DOCK3: variants seen among roughly 807,000 people sequenced by gnomAD.
DOCK3 encodes dedicator of cytokinesis protein 3.
DOCK3 carries 60 observed loss-of-function variants against 265.6 expected under a neutral mutation model. That is an observed-to-expected ratio of 0.23 (90% CI 0.18 to 0.28). The LOEUF is 0.28. DOCK3 is among the 10% of genes least tolerant of loss of function. The pLI is 1.00. For synonymous variants in DOCK3, 881 were observed against 938.0 expected (o/e 0.94, Z 1.11); for missense variants, 1,981 against 2,594.3 (o/e 0.76, Z 5.14).
Position 51,330,195 on chromosome 3 carries a change from G to A in DOCK3, c.3460G>A (p.Glu1154Lys), listed in dbSNP as rs762516944. The change falls in exon 33 of 53, where the codon GAG becomes AAG. Residue 1154 changes from glutamate (E) to lysine (K), a missense_variant. By Grantham distance (56) the Glu-to-Lys change is moderately conservative. Transcript: ENST00000266037. ...CATGGTGTCAGAAGGGAAAGGTGAC[G>A]AGAGCTACAGGGAGCTCTTCAGCCT... is the stretch of plus-strand genomic sequence containing the variant. ...DSMVSEGKGD[E>K]SYRELFSLLT... 15 of 1,603,808 alleles carry A rather than the reference G, an allele frequency of 9.4e-6. No individual in the cohort carries two copies. The highest frequency in any genetic ancestry group is 1.7e-4 in the Middle Eastern group (1 of 6,052).
chr3:51,325,672 T>C (rs367920360), intron 32 of DOCK3, among the ~76,000 whole-genome samples: 1 of 152,090 alleles, frequency 6.6e-6, no homozygotes, highest in East Asian at 1.9e-4. Flanking sequence ...CAAATGCCCA[T>C]CAATGATAGG....
chr3:50,815,655 A>T (rs546227982), intron 2 of DOCK3, among the ~76,000 whole-genome samples: 1 of 152,144 alleles, frequency 6.6e-6, no homozygotes, highest in South Asian at 2.1e-4. Flanking sequence ...GCCTGAAAAG[A>T]TCTTTAGTTT....
chr3:51,059,476 C>G (rs2081330513), intron 5 of DOCK3, among the ~76,000 whole-genome samples: 1 of 151,608 alleles, frequency 6.6e-6, no homozygotes, highest in Non-Finnish European at 1.5e-5. Flanking sequence ...CACACACACA[C>G]ACACACACAC....
chr3:51,126,715 A>T (rs897006145), intron 9 of DOCK3, among the ~76,000 whole-genome samples: 1 of 152,168 alleles, frequency 6.6e-6, no homozygotes, highest in Admixed American at 6.6e-5. Flanking sequence ...AACTGTTTGT[A>T]GCTCACCACA....
chr3:51,272,523 A>G (rs1419111785), intron 24 of DOCK3, among the ~76,000 whole-genome samples: 6 of 148,366 alleles, frequency 4.0e-5, no homozygotes, highest in African/African-American at 1.2e-4. Flanking sequence ...TCCTGACCTC[A>G]TGATCCACCC....
At chr3:51,196,524 T>C (rs2088305609) in intron 12 of DOCK3, among the ~76,000 whole-genome samples, 1 of 152,198 alleles carries the variant, frequency 6.6e-6, no homozygotes, top group East Asian at 1.9e-4. Context: ...TTTGAACTTG[T>C]GGATATTGAT....
intron 4 of DOCK3, among the ~76,000 whole-genome samples, chr3:50,933,645 A>T (rs1366103914): frequency 2.6e-5 from 4 of 152,190 alleles, no homozygotes; most frequent in Non-Finnish European, 5.9e-5. Context: ...TAAATAATTT[A>T]AAAAAACTAA....
intron 22 of DOCK3, among the ~76,000 whole-genome samples, chr3:51,249,980 A>G (rs1446163048): frequency 6.6e-6 from 1 of 151,732 alleles, no homozygotes; most frequent in Non-Finnish European, 1.5e-5. Context: ...CTTACCCCCA[A>G]CCCTGTGCTC....
chr3:51,046,471 A>G (rs1376135061), intron 5 of DOCK3, among the ~76,000 whole-genome samples: 7 of 152,214 alleles, frequency 4.6e-5, no homozygotes, highest in Admixed American at 4.6e-4. Context: ...ATAGATATTA[A>G]GGCAAAAACT....
At chr3:50,980,633 ATTAC>A (rs1483709558) in intron 5 of DOCK3, among the ~76,000 whole-genome samples, 1 of 151,974 alleles carries the variant, frequency 6.6e-6, no homozygotes, top group East Asian at 1.9e-4. Context: ...ATTCAGTCTT[ATTAC>A]TTGTTACTGG....
At chr3:51,149,480 C>T (rs1452310402) in intron 10 of DOCK3, among the ~76,000 whole-genome samples, 1 of 152,132 alleles carries the variant, frequency 6.6e-6, no homozygotes, top group Admixed American at 6.5e-5. Context: ...GTGGGTTTGT[C>T]CTAAATAGCT....
rs770503471 is a variant in DOCK3, at chr3:51,228,791, T to C, written c.1778T>C (p.Phe593Ser). ...IFQRSTKESF[F>S]ISTQLSSTKL... Reference sequence around the variant, plus strand: ...CAGCGCAGCACCAAAGAGTCTTTCTTCATCTCCACTCAGCTCTCCTCTACC... The same window carrying C: ...CAGCGCAGCACCAAAGAGTCTTTCTCCATCTCCACTCAGCTCTCCTCTACC... Residue 593 changes from phenylalanine (F) to serine (S), a missense_variant, in exon 18 of 53, where the codon TTC becomes TCC. Phe to Ser is a radical substitution (Grantham distance 155, BLOSUM62 -2). Around this residue, in one of 4 missense-constraint regions of DOCK3, gnomAD observed 1,357 missense variants for 1,866.8 expected, o/e 0.73. Transcript: ENST00000266037. 1.6e-5 allele frequency: 26 copies of C among 1,613,886 alleles called. No individual in the cohort carries two copies. The highest frequency in any genetic ancestry group is 2.2e-5 in the Non-Finnish European group (26 of 1,179,888).
Position 50,811,263 on chromosome 3 carries a change from G to C in DOCK3, c.122-30412G>C, listed in dbSNP as rs1331750907. 3.3e-5 allele frequency among the ~76,000 whole-genome samples: 5 copies of C among 151,832 alleles called. No homozygotes were observed. In the East Asian group the frequency reaches 9.7e-4, roughly 29 times the overall value. ...GAGAGAAAAGAAAAAAATTAGGTGGGTGTGGTGGTGCATGCCTGTAGTTCT... is the reference window on the plus strand; with the variant it reads ...GAGAGAAAAGAAAAAAATTAGGTGGCTGTGGTGGTGCATGCCTGTAGTTCT... On this transcript the variant is annotated intron_variant, in intron 2 of 52. Coordinates refer to ENST00000266037, the MANE Select transcript of DOCK3 (RefSeq NM_004947.5).
intron 5 of DOCK3, among the ~76,000 whole-genome samples, chr3:51,039,168 A>C (rs1309451994): frequency 6.6e-6 from 1 of 151,550 alleles, no homozygotes. Flanking sequence ...GCTAATTTTT[A>C]TATTTTTAGT....
At chr3:50,856,633 CT>C (rs1175952539) in intron 3 of DOCK3, among the ~76,000 whole-genome samples, 1 of 151,950 alleles carries the variant, frequency 6.6e-6, no homozygotes, top group Non-Finnish European at 1.5e-5. Context: ...TGTAGGTTGT[CT>C]GTTTATTCTG....
intron 1 of DOCK3, among the ~76,000 whole-genome samples, chr3:50,723,521 A>G (rs1300053495): frequency 6.6e-6 from 1 of 152,136 alleles, no homozygotes; most frequent in Non-Finnish European, 1.5e-5. Context: ...GGAACAGAAC[A>G]GAGGCCTCAG....
At chr3:51,350,666 C>T (rs998459853) in intron 40 of DOCK3, among the ~76,000 whole-genome samples, 12 of 152,240 alleles carry the variant, frequency 7.9e-5, no homozygotes, top group Admixed American at 1.3e-4. Flanking sequence ...TGACCAGGGT[C>T]TAAGAGTGTG....
chr3:50,747,146 C>T (rs2039498584), intron 1 of DOCK3, among the ~76,000 whole-genome samples: 2 of 152,066 alleles, frequency 1.3e-5, no homozygotes, highest in African/African-American at 4.8e-5. Context: ...ACTTTTGATT[C>T]TGTTCCACTG....
At chr3:51,022,737 A>G (rs2108887568) in intron 5 of DOCK3, among the ~76,000 whole-genome samples, 1 of 152,090 alleles carries the variant, frequency 6.6e-6, no homozygotes, top group South Asian at 2.1e-4. Context: ...CCAAATTGTC[A>G]ATTTTGGTTT....
Sources: allele counts gnomAD v4.1 joint callset (sites outside exome capture counted in the v4.1 genomes callset), GRCh38; gene constraint gnomAD v4.1.1; regional missense constraint gnomAD v4.1.1; transcripts MANE v1.5; gene names NCBI Gene and HGNC (gene_info 2026-07-23, HGNC 2026-07-21).